Variants in KANK1 observed in about 807,000 individuals in gnomAD.
KANK1 encodes KN motif and ankyrin repeat domain-containing protein 1.
In KANK1, 109 loss-of-function variants were observed where a neutral mutation model predicts 106.2. The ratio of observed to expected loss-of-function variants is 1.03; its 90% CI spans 0.88 to 1.20. KANK1 has a LOEUF of 1.20. Among genes scored for constraint, KANK1 ranks in the 50% most tolerant of loss-of-function variants. The pLI, the probability that KANK1 is intolerant of heterozygous loss-of-function variation, is 0.00. For synonymous variants in KANK1, 873 were observed against 652.2 expected, an observed-to-expected ratio of 1.34 and a Z score of -5.16; for missense variants, 2,399 against 1,710.7, an observed-to-expected ratio of 1.40 and a Z score of -7.10.
intron 1 of KANK1, among the ~76,000 whole-genome samples, chr9:555,096 A>G (rs1002371296): frequency 7.9e-5 from 12 of 152,236 alleles, no homozygotes; most frequent in Admixed American, 6.5e-5. Flanking sequence ...CCTAGCGACC[A>G]CACTTTGAGA....
At chr9:489,395 T>C (rs2058343967) in intron 3 of KANK1, among the ~76,000 whole-genome samples, 1 of 152,128 alleles carries the variant, frequency 6.6e-6, no homozygotes, top group Admixed American at 6.6e-5. Context: ...ATGCAGAGCA[T>C]CCAGCCAAAT....
At chr9:651,674 T>G (rs957395798) in intron 1 of KANK1, among the ~76,000 whole-genome samples, 3 of 152,232 alleles carry the variant, frequency 2.0e-5, no homozygotes, top group Non-Finnish European at 4.4e-5. Flanking sequence ...CTATTTTGAT[T>G]AATTGTTTTA....
chr9:649,904 C>T (rs1840514422), intron 1 of KANK1, among the ~76,000 whole-genome samples: 3 of 152,184 alleles, frequency 2.0e-5, no homozygotes. Context: ...ATTGCAGCTT[C>T]TCTGCGTCAT....
At chr9:538,377 A>G (rs2060415674) in intron 1 of KANK1, among the ~76,000 whole-genome samples, 1 of 152,164 alleles carries the variant, frequency 6.6e-6, no homozygotes, top group South Asian at 2.1e-4. Flanking sequence ...GACATCTTAC[A>G]CATTTCAGAA....
intron 1 of KANK1, among the ~76,000 whole-genome samples, chr9:592,020 T>A (rs1008011018): frequency 6.6e-6 from 1 of 151,730 alleles, no homozygotes; most frequent in African/African-American, 2.4e-5. Flanking sequence ...TGTAACACCA[T>A]AGGGGCAGGG....
intron 1 of KANK1, among the ~76,000 whole-genome samples, chr9:569,425 G>A (rs1818623033): frequency 6.6e-6 from 1 of 151,932 alleles, no homozygotes; most frequent in South Asian, 2.1e-4. Flanking sequence ...GAGTAGGGCT[G>A]GTGGCTTTTA....
chr9:484,982 T>C (rs562900619), intron 3 of KANK1, among the ~76,000 whole-genome samples: 2 of 152,312 alleles, frequency 1.3e-5, no homozygotes, highest in East Asian at 3.8e-4. Flanking sequence ...GTCAATGCTT[T>C]GGCCTATCCA....
chr9:688,309 T>G (rs907998171), intron 2 of KANK1, among the ~76,000 whole-genome samples: 1 of 152,178 alleles, frequency 6.6e-6, no homozygotes, highest in Non-Finnish European at 1.5e-5. Context: ...TAAGGCAGGC[T>G]TAAGATGGTG....
At chr9:525,462 T>C (rs1308900331) in intron 1 of KANK1, among the ~76,000 whole-genome samples, 1 of 150,538 alleles carries the variant, frequency 6.6e-6, no homozygotes, top group Non-Finnish European at 1.5e-5. Context: ...TCACTGCAAC[T>C]TCCACCTCCC....
chr9:664,283 C>T (rs1844058563), intron 1 of KANK1, among the ~76,000 whole-genome samples: 1 of 152,112 alleles, frequency 6.6e-6, no homozygotes, highest in African/African-American at 2.4e-5. Context: ...TCATGAGATT[C>T]AGTTTTGTAG....
chr9:620,674 G>A (rs1832941876), intron 1 of KANK1, among the ~76,000 whole-genome samples: 1 of 151,710 alleles, frequency 6.6e-6, no homozygotes, highest in African/African-American at 2.4e-5. Context: ...CAGAGTGCTG[G>A]GATTACAGGC....
At chr9:697,756 T>C (rs1222813421) in intron 2 of KANK1, among the ~76,000 whole-genome samples, 3 of 152,200 alleles carry the variant, frequency 2.0e-5, no homozygotes, top group Non-Finnish European at 4.4e-5. Context: ...CATATTATTT[T>C]CATGCTCAAA....
At chr9:541,721 C>T (rs1017631185) in intron 1 of KANK1, among the ~76,000 whole-genome samples, 9 of 152,166 alleles carry the variant, frequency 5.9e-5, no homozygotes, top group African/African-American at 2.2e-4. Context: ...GACCATACAT[C>T]TGATAAGGGG....
At chr9:727,471 C>G (rs941877761) in intron 3 of KANK1, among the ~76,000 whole-genome samples, 9 of 151,778 alleles carry the variant, frequency 5.9e-5, no homozygotes, top group African/African-American at 1.9e-4. Context: ...CACTCACCAC[C>G]ATGCCCAGCT....
intron 1 of KANK1, chr9:549,564 C>G (rs948082791): frequency 1.3e-5 from 2 of 152,256 alleles, no homozygotes; most frequent in Non-Finnish European, 2.9e-5. Context: ...TTTTCCTATT[C>G]TGGCTCCAAC....
At chr9:522,254 A>G (rs2059586784) in intron 1 of KANK1, among the ~76,000 whole-genome samples, 1 of 151,750 alleles carries the variant, frequency 6.6e-6, no homozygotes, top group East Asian at 1.9e-4. Context: ...TTAAAGGTAA[A>G]TATAGTTACA....
intron 1 of KANK1, among the ~76,000 whole-genome samples, chr9:508,231 C>T (rs1408889784): frequency 3.4e-5 from 5 of 146,612 alleles, no homozygotes; most frequent in African/African-American, 1.3e-4. Flanking sequence ...CTCTGCCTCC[C>T]GGGTTCAAGC....
chr9:671,939 C>G (rs1815249798), intron 1 of KANK1, among the ~76,000 whole-genome samples: 1 of 152,092 alleles, frequency 6.6e-6, no homozygotes, highest in Non-Finnish European at 1.5e-5. Flanking sequence ...CAGAGCAAGA[C>G]TCCGTCTCAA....
At chr9:576,743 G>C (rs964934400) in intron 1 of KANK1, among the ~76,000 whole-genome samples, 1 of 151,564 alleles carries the variant, frequency 6.6e-6, no homozygotes, top group Non-Finnish European at 1.5e-5. Context: ...TTGTGGGAGA[G>C]GAAGAGGAGG....
Sources: gnomAD v4.1 joint callset for allele counts (sites outside exome capture counted in the v4.1 genomes callset) on GRCh38, gnomAD v4.1.1 for gene constraint, MANE v1.5 for transcripts, NCBI Gene and HGNC (gene_info 2026-07-23, HGNC 2026-07-21) for gene names.